OTUD7A: variants seen among roughly 807,000 people sequenced by gnomAD.
OTUD7A encodes the protein OTU domain-containing protein 7A.
In OTUD7A, 12 loss-of-function variants were observed where a neutral mutation model predicts 65.7. The ratio of observed to expected loss-of-function variants is 0.18; its 90% CI spans 0.12 to 0.30. The LOEUF is 0.30. Among genes scored for constraint, OTUD7A ranks in the 10% least tolerant of loss-of-function variants. OTUD7A has a pLI of 1.00. For missense variants in OTUD7A, 1,148 were observed against 1,304.8 expected (o/e 0.88, Z 1.85); for synonymous variants, 641 against 586.3 (o/e 1.09, Z -1.35).
At chr15:31,775,769 G>A (rs900129738) in intron 1 of OTUD7A, among the ~76,000 whole-genome samples, 3 of 152,144 alleles carry the variant, frequency 2.0e-5, no homozygotes, top group African/African-American at 7.2e-5. Flanking sequence ...AGCAGGGGCA[G>A]GAGGCGAGAA....
intron 1 of OTUD7A, among the ~76,000 whole-genome samples, chr15:31,658,858 T>C (rs1401596406): frequency 6.9e-6 from 1 of 145,160 alleles, no homozygotes; most frequent in African/African-American, 2.6e-5. Context: ...TGAAACCCCG[T>C]CTCTACTAAT....
chr15:31,814,923 C>T (rs191433451), intron 1 of OTUD7A, among the ~76,000 whole-genome samples: 1 of 152,090 alleles, frequency 6.6e-6, no homozygotes, highest in African/African-American at 2.4e-5. Context: ...TTCATTATAC[C>T]ACAGCTCTGA....
chr15:31,672,849 A>C (rs1892513998), intron 1 of OTUD7A, among the ~76,000 whole-genome samples: 1 of 152,202 alleles, frequency 6.6e-6, no homozygotes, highest in Non-Finnish European at 1.5e-5. Flanking sequence ...GTCTCTTTTA[A>C]AATTTACATA....
chr15:31,715,213 T>C (rs1412550101), intron 1 of OTUD7A, among the ~76,000 whole-genome samples: 1 of 152,058 alleles, frequency 6.6e-6, no homozygotes, highest in Non-Finnish European at 1.5e-5. Flanking sequence ...CCCACTGCAC[T>C]GGAGTGAGAC....
At chr15:31,830,451 C>T (rs1896902167) in intron 1 of OTUD7A, among the ~76,000 whole-genome samples, 1 of 152,174 alleles carries the variant, frequency 6.6e-6, no homozygotes, top group Non-Finnish European at 1.5e-5. Context: ...CTGACAATGA[C>T]CTTGAGGGGT....
intron 1 of OTUD7A, among the ~76,000 whole-genome samples, chr15:31,803,235 G>C (rs994846871): frequency 6.6e-6 from 1 of 152,128 alleles, no homozygotes; most frequent in Non-Finnish European, 1.5e-5. Context: ...CACATTTCCA[G>C]GACACATTGC....
At chr15:31,766,560 C>T (rs1895099493) in intron 1 of OTUD7A, 2 of 1,612,982 alleles carry the variant, frequency 1.2e-6, no homozygotes, top group Non-Finnish European at 1.7e-6. Context: ...ACTTGTGCTG[C>T]CTTGTCCAAC....
chr15:31,828,352 T>C (rs1034728534), intron 1 of OTUD7A, among the ~76,000 whole-genome samples: 2 of 152,192 alleles, frequency 1.3e-5, no homozygotes, highest in African/African-American at 4.8e-5. Context: ...CATAACTGTG[T>C]TTATTTCTGG....
chr15:31,579,001 GTC>G (rs750075768), intron 3 of OTUD7A, among the ~76,000 whole-genome samples: 107 of 152,298 alleles, frequency 7.0e-4, no homozygotes, highest in Non-Finnish European at 1.2e-3. Flanking sequence ...GGCTCCAAAT[GTC>G]TCTCCAAATA....
At chr15:31,686,780 G>A (rs563006629) in intron 1 of OTUD7A, among the ~76,000 whole-genome samples, 40 of 152,302 alleles carry the variant, frequency 2.6e-4, no homozygotes, top group East Asian at 3.9e-4. Flanking sequence ...AGCTCAGCCC[G>A]ACAAGAAGCC....
intron 1 of OTUD7A, among the ~76,000 whole-genome samples, chr15:31,788,902 TGA>T (rs1245302653): frequency 2.0e-5 from 3 of 152,168 alleles, no homozygotes; most frequent in Admixed American, 2.0e-4. Context: ...ATTTTGCATA[TGA>T]ACAGGCTGAG....
intron 5 of OTUD7A, among the ~76,000 whole-genome samples, chr15:31,546,017 T>C (rs1595599174): frequency 6.6e-6 from 1 of 152,292 alleles, no homozygotes; most frequent in Non-Finnish European, 1.5e-5. Flanking sequence ...CAAATCCACA[T>C]GGATGAAATG....
chr15:31,628,439 T>C (rs1891034420), intron 3 of OTUD7A, among the ~76,000 whole-genome samples: 1 of 152,198 alleles, frequency 6.6e-6, no homozygotes, highest in Non-Finnish European at 1.5e-5. Context: ...TCTCTTCTGT[T>C]CCATTGATCT....
Position 31,484,821 on chromosome 15 carries a change from A to G in OTUD7A, c.1372-97T>C, listed in dbSNP as rs1437188469. 2.5e-5 allele frequency: 37 copies of G among 1,494,234 alleles called. 1 individual carries two copies. The East Asian group carries it at 5.9e-4, about 24-fold the overall frequency. The allele number at this position is 1,494,234 out of a possible 1,614,324, so 92.6% of individuals were successfully genotyped here. A position where few individuals can be genotyped will look rare whatever the true frequency, so the allele number is the denominator to read the frequency against. On this transcript the variant is annotated intron_variant, in intron 12 of 12. Transcript: ENST00000307050. This position sits in a 1 kb window ranked among gnomAD's most constrained non-coding sequence, Gnocchi z 4.5. ...ACCTTGCCCCTGTGTTGCCGAGGCT[A>G]GGGCCCTGGACCTTCACTGTCCCAG...
rs375054237 is a variant in OTUD7A at position 31,716,811 on chromosome 15, G to C, written c.-99-59734C>G. ...CAAAGGGAGGAGGCTGCATGGGGAA[G>C]TCCCTGGCTGAAGCTGCCCAGAGGC... On this transcript the variant is annotated intron_variant, in intron 1 of 12. Coordinates refer to ENST00000307050, the MANE Select transcript of OTUD7A (RefSeq NM_001382637.1). Among the ~76,000 whole-genome samples the C allele has an allele frequency of 3.2e-4, 48 of 152,272 alleles. No homozygotes were observed. The South Asian group carries it at 8.9e-3, about 28-fold the overall frequency.
intron 1 of OTUD7A, among the ~76,000 whole-genome samples, chr15:31,685,443 A>C (rs899671846): frequency 1.3e-5 from 2 of 152,086 alleles, no homozygotes; most frequent in Non-Finnish European, 2.9e-5. Flanking sequence ...CAGGAGATCA[A>C]GACTATCCTG....
chr15:31,816,556 C>T (rs1377862814), intron 1 of OTUD7A, among the ~76,000 whole-genome samples: 6 of 151,276 alleles, frequency 4.0e-5, no homozygotes, highest in Non-Finnish European at 8.8e-5. Context: ...TAGCCTGGCA[C>T]AGTGGCGGGC....
chr15:31,658,154 A>T (rs964681379), intron 1 of OTUD7A, among the ~76,000 whole-genome samples: 2 of 152,120 alleles, frequency 1.3e-5, no homozygotes, highest in African/African-American at 2.4e-5. Flanking sequence ...TCATCAATAC[A>T]ATTATAATAA....
chr15:31,753,533 G>A (rs978009433), intron 1 of OTUD7A, among the ~76,000 whole-genome samples: 8 of 151,278 alleles, frequency 5.3e-5, no homozygotes, highest in African/African-American at 1.9e-4. Context: ...TCCCACTTAT[G>A]CATGATAACA....
Sources: allele counts gnomAD v4.1 joint callset (sites outside exome capture counted in the v4.1 genomes callset), GRCh38; gene constraint gnomAD v4.1.1; non-coding constraint Gnocchi (gnomAD v3.1); transcripts MANE v1.5; gene names NCBI Gene and HGNC (gene_info 2026-07-23, HGNC 2026-07-21).